COL6A5: variants seen among roughly 807,000 people sequenced by gnomAD.
The protein encoded by COL6A5 is collagen type VI alpha 5 chain.
A neutral mutation model predicts 65.6 loss-of-function variants in COL6A5; 48 were observed. That is an observed-to-expected ratio of 0.73 (90% CI 0.58 to 0.93). The LOEUF is 0.93. Ranked by LOEUF, COL6A5 falls within the 40% of genes least tolerant of loss-of-function variation. COL6A5 has a pLI of 0.00. For missense variants in COL6A5, 914 were observed against 928.3 expected (o/e 0.98, Z 0.20); for synonymous variants, 291 against 322.8 (o/e 0.90, Z 1.05).
chr3:130,370,262 A>G (rs1035410482), intron 1 of COL6A5, among the ~76,000 whole-genome samples: 5 of 152,162 alleles, frequency 3.3e-5, no homozygotes, highest in African/African-American at 1.2e-4. Context: ...TGGCATGGGA[A>G]ACTTTGAATT....
At chr3:130,479,439 AC>A (rs1284230676) in intron 7 of COL6A5, among the ~76,000 whole-genome samples, 24 of 123,428 alleles carry the variant, frequency 1.9e-4, no homozygotes, top group Middle Eastern at 4.1e-3. Context: ...ACAAAAACAA[AC>A]AACAACAAAC....
chr3:130,385,400 T>A, intron 5 of COL6A5, 36 bp downstream of exon 5: 2 of 1,526,750 alleles, frequency 1.3e-6, no homozygotes, highest in African/African-American at 1.4e-5. Context: ...TCTCCACATT[T>A]CATCAATTGC....
chr3:130,451,880 T>C (rs1170658525), intron 4 of COL6A5, among the ~76,000 whole-genome samples: 1 of 152,102 alleles, frequency 6.6e-6, no homozygotes, highest in African/African-American at 2.4e-5. Flanking sequence ...GGGATTGGTA[T>C]GTCATTAGGA....
At chr3:130,369,473 C>A (rs1030458300) in intron 1 of COL6A5, among the ~76,000 whole-genome samples, 1 of 152,076 alleles carries the variant, frequency 6.6e-6, no homozygotes, top group Non-Finnish European at 1.5e-5. Context: ...AGTGTCTGAA[C>A]CTCTTAGAGG....
intron 7 of COL6A5, among the ~76,000 whole-genome samples, chr3:130,474,571 G>A (rs1710041704): frequency 1.3e-5 from 2 of 151,894 alleles, no homozygotes; most frequent in Admixed American, 1.3e-4. Flanking sequence ...TGAAATGAAT[G>A]GAAAGATAGA....
chr3:130,377,247 G>A (rs1308243911), intron 3 of COL6A5, among the ~76,000 whole-genome samples: 1 of 152,108 alleles, frequency 6.6e-6, no homozygotes, highest in Non-Finnish European at 1.5e-5. Context: ...AGCACATGAG[G>A]GCAGGGTTGA....
At position 130,376,848 on chromosome 3, in the gene COL6A5, C is replaced by G; in HGVS notation, c.667+12C>G. On this transcript the variant is annotated intron_variant and NMD_transcript_variant, in intron 3 of 41. Transcript: ENST00000312481. ...TGCTGATATGCAAGGTAAGGAAACC[C>G]TTGGTTGAAGAGGTGCCTGATCCCC... The G allele has an allele frequency of 6.3e-7, 1 of 1,595,550 alleles. No homozygotes were observed. The highest frequency in any genetic ancestry group is 8.5e-7 in the Non-Finnish European group (1 of 1,170,534).
intron 1 of COL6A5, among the ~76,000 whole-genome samples, chr3:130,360,084 C>T (rs1301224538): frequency 6.6e-6 from 1 of 151,914 alleles, no homozygotes; most frequent in East Asian, 1.9e-4. Flanking sequence ...TCATACCAAA[C>T]ACCAGAAAGA....
exon 7 of COL6A5, chr3:130,470,893 C>A (rs145645992): frequency 1.3e-4 from 210 of 1,612,044 alleles, no homozygotes; most frequent in Admixed American, 3.5e-4. Context: ...AATATCCCAC[C>A]GAAGATATGA....
chr3:130,384,696 C>A, intron 4 of COL6A5, 108 bp from the exon 5 acceptor site: 1 of 879,482 alleles, frequency 1.1e-6, no homozygotes, highest in Non-Finnish European at 1.7e-6. Flanking sequence ...TACGCAAAAA[C>A]GAAGTCTTCA....
Position 130,367,650 on chromosome 3 carries a change from A to G in COL6A5, c.-28-5961A>G, listed in dbSNP as rs1935391910. ...GTCCACGGCTAAATCCAAACTGCCT[A>G]CAAAAGTGCTAAGAACATTGTTGGC... On this transcript the variant is annotated intron_variant and NMD_transcript_variant, in intron 1 of 41. Coordinates refer to the COL6A5 transcript ENST00000312481. 3.3e-5 allele frequency among the ~76,000 whole-genome samples: 5 copies of G among 152,350 alleles called. No individual in the cohort carries two copies. In the South Asian group the frequency reaches 1.0e-3, roughly 32 times the overall value.
intron 24 of COL6A5, among the ~76,000 whole-genome samples, chr3:130,417,521 C>T (rs559408540): frequency 6.6e-6 from 1 of 152,232 alleles, no homozygotes; most frequent in Admixed American, 6.5e-5. Context: ...AGATCTCTTT[C>T]ACTCCCTGAT....
chr3:130,377,521 C>T (rs1052095532), intron 3 of COL6A5, among the ~76,000 whole-genome samples: 2 of 152,182 alleles, frequency 1.3e-5, no homozygotes, highest in South Asian at 2.1e-4. Context: ...ATTTTCTGTT[C>T]GACCAGGAAG....
chr3:130,462,028 GA>G (rs1709714274), intron 5 of COL6A5, among the ~76,000 whole-genome samples: 2 of 152,148 alleles, frequency 1.3e-5, no homozygotes, highest in Admixed American at 1.3e-4. Context: ...AGTCTTCGGA[GA>G]AAAGGATGAA....
exon 1 of COL6A5, chr3:130,431,804 A>G (rs1937825534): frequency 6.4e-7 from 1 of 1,551,638 alleles, no homozygotes; most frequent in East Asian, 2.4e-5. Flanking sequence ...GCAGGAGCCA[A>G]CGTGAGGAGA....
chr3:130,392,045 T>C (rs1284289302), intron 7 of COL6A5, among the ~76,000 whole-genome samples: 1 of 152,284 alleles, frequency 6.6e-6, no homozygotes, highest in Non-Finnish European at 1.5e-5. Flanking sequence ...CTTCTTAGGG[T>C]CATATTCACC....
intron 24 of COL6A5, among the ~76,000 whole-genome samples, chr3:130,418,065 G>T (rs1937403754): frequency 6.6e-6 from 1 of 152,024 alleles, no homozygotes; most frequent in Non-Finnish European, 1.5e-5. Flanking sequence ...AATAAAAAAG[G>T]AAAAGTGGTA....
At chr3:130,413,475 G>C (rs1246624103) in intron 20 of COL6A5, 70 bp from the exon 21 acceptor site, 12 of 1,375,288 alleles carry the variant, frequency 8.7e-6, no homozygotes, top group Non-Finnish European at 1.2e-5. Context: ...GAATGAAAGA[G>C]GCTGATTTGC....
intron 28 of COL6A5, among the ~76,000 whole-genome samples, chr3:130,423,524 C>T (rs1937550729): frequency 6.6e-6 from 1 of 152,076 alleles, no homozygotes; most frequent in Non-Finnish European, 1.5e-5. Flanking sequence ...GGAGGTTTCT[C>T]ATTAGATGTC....
Sources: gnomAD v4.1 joint callset for allele counts (sites outside exome capture counted in the v4.1 genomes callset) on GRCh38, gnomAD v4.1.1 for gene constraint, MANE v1.5 for transcripts, NCBI Gene and HGNC (gene_info 2026-07-23, HGNC 2026-07-21) for gene names.